UBR3: variants seen among roughly 807,000 people sequenced by gnomAD.
UBR3 encodes ubiquitin protein ligase E3 component n-recognin 3.
Under a neutral mutation model 243.2 loss-of-function variants are expected in UBR3, and 85 were observed. That is an observed-to-expected ratio of 0.35 (90% CI 0.29 to 0.42). UBR3 has a LOEUF of 0.42. Ranked by LOEUF, UBR3 falls within the 10% of genes least tolerant of loss-of-function variation. The pLI is 1.00. For missense variants in UBR3, 1,686 were observed against 2,300.8 expected (o/e 0.73, Z 5.47); for synonymous variants, 748 against 799.8 (o/e 0.94, Z 1.09).
chr2:170,022,933 C>G (rs2090431167), intron 30 of UBR3, among the ~76,000 whole-genome samples: 1 of 152,104 alleles, frequency 6.6e-6, no homozygotes, highest in South Asian at 2.1e-4. Flanking sequence ...AGCTCTTTCC[C>G]ATCTCTTCAT....
intron 10 of UBR3, among the ~76,000 whole-genome samples, chr2:169,910,000 A>G (rs1265545563): frequency 4.6e-5 from 7 of 152,136 alleles, no homozygotes; most frequent in Non-Finnish European, 5.9e-5. Flanking sequence ...TGGAAGTGCT[A>G]TTTACAAAGC....
intron 1 of UBR3, among the ~76,000 whole-genome samples, chr2:169,835,941 T>C (rs1056805246): frequency 6.7e-6 from 1 of 148,610 alleles, no homozygotes; most frequent in Non-Finnish European, 1.5e-5. Flanking sequence ...CCTTTCCCTT[T>C]CTCTTTTCCT....
chr2:169,828,384 T>C (rs2081815641), intron 1 of UBR3, among the ~76,000 whole-genome samples: 1 of 152,116 alleles, frequency 6.6e-6, no homozygotes, highest in Non-Finnish European at 1.5e-5. Context: ...CGTGTCGAGC[T>C]GTCAAGTGTG....
chr2:169,850,760 C>T (rs919198445), intron 1 of UBR3, among the ~76,000 whole-genome samples: 13 of 151,778 alleles, frequency 8.6e-5, no homozygotes, highest in African/African-American at 3.1e-4. Context: ...AGGAGAATGG[C>T]ATGAACCCGG....
intron 8 of UBR3, among the ~76,000 whole-genome samples, chr2:169,897,455 A>G (rs1320769771): frequency 6.6e-6 from 1 of 151,736 alleles, no homozygotes; most frequent in Non-Finnish European, 1.5e-5. Flanking sequence ...ATGTGTGTAT[A>G]TATGTATATA....
intron 11 of UBR3, among the ~76,000 whole-genome samples, chr2:169,921,516 C>G (rs1373288229): frequency 6.6e-6 from 1 of 152,122 alleles, no homozygotes; most frequent in African/African-American, 2.4e-5. Flanking sequence ...TGCTAAAGCC[C>G]TGAAAGATAA....
intron 1 of UBR3, among the ~76,000 whole-genome samples, chr2:169,856,295 C>T (rs1036348062): frequency 4.0e-5 from 6 of 151,790 alleles, no homozygotes; most frequent in Non-Finnish European, 7.4e-5. Context: ...CAGAGACGCT[C>T]CTCACTTCCT....
chr2:170,060,931 C>T lies in UBR3; in HGVS notation c.4786-148C>T, dbSNP rs898557769. On this transcript the variant is annotated intron_variant, in intron 33 of 38. Transcript: ENST00000272793. ...GTTTCATTGTGAATCCAGAGGTGTA[C>T]AGTTTTACCCAAATTTTGAAGAATT... is the stretch of plus-strand genomic sequence containing the variant. The T allele has an allele frequency of 7.8e-6, 4 of 510,726 alleles. No individual in the cohort carries two copies. The African/African-American group carries it at 8.0e-5, about 10-fold the overall frequency. The allele number at this position is 510,726 out of a possible 1,614,324, so 31.6% of individuals were successfully genotyped here.
chr2:169,857,208 G>A (rs1272279861), intron 1 of UBR3, among the ~76,000 whole-genome samples: 1 of 150,548 alleles, frequency 6.6e-6, no homozygotes, highest in Non-Finnish European at 1.5e-5. Flanking sequence ...CGAGTAGCTG[G>A]GACTTACAGG....
At chr2:169,869,295 C>T (rs1466777484) in intron 1 of UBR3, among the ~76,000 whole-genome samples, 1 of 139,070 alleles carries the variant, frequency 7.2e-6, no homozygotes, top group Non-Finnish European at 1.5e-5. Context: ...GATCTCGGCT[C>T]ACTGCAACCT....
At chr2:169,925,032 CA>C (rs530062231) in intron 13 of UBR3, among the ~76,000 whole-genome samples, 1 of 150,474 alleles carries the variant, frequency 6.6e-6, no homozygotes, top group Non-Finnish European at 1.5e-5. Context: ...GATTCTGTTT[CA>C]AAAAAAACAA....
Position 169,949,814 on chromosome 2 carries a change from C to T in UBR3, c.3294C>T (p.His1098=). 6.4e-7 allele frequency: 1 copy of T among 1,555,232 alleles called. No individual in the cohort carries two copies. The highest frequency in any genetic ancestry group is 1.2e-5 in the South Asian group (1 of 84,792). Residue 1098 remains histidine, a synonymous_variant, in exon 23 of 39, where the codon CAC becomes CAT. Transcript: ENST00000272793. Reference sequence around the variant, plus strand: ...TGTCTTTGCTAATTAAACTTCACCACAAACTCTCAGGAAAACAAAACTCCT... The same window carrying T: ...TGTCTTTGCTAATTAAACTTCACCATAAACTCTCAGGAAAACAAAACTCCT... The part of the protein sequence containing the change: ...SILSLLIKLH[H]KLSGKQNSYY...
chr2:169,941,206 G>A (rs2086571558), intron 19 of UBR3, among the ~76,000 whole-genome samples: 1 of 152,092 alleles, frequency 6.6e-6, no homozygotes, highest in African/African-American at 2.4e-5. Flanking sequence ...AAGAATAACA[G>A]GAGTGAGTAT....
chr2:170,031,999 C>CTT (rs1404432126), intron 31 of UBR3, among the ~76,000 whole-genome samples: 1 of 152,042 alleles, frequency 6.6e-6, no homozygotes, highest in East Asian at 1.9e-4. Context: ...GTACATGTGT[C>CTT]TTTTTGGTAG....
chr2:169,830,851 C>T (rs2081908763), intron 1 of UBR3, among the ~76,000 whole-genome samples: 1 of 151,778 alleles, frequency 6.6e-6, no homozygotes, highest in Non-Finnish European at 1.5e-5. Context: ...TAGGAAATAA[C>T]ACTGATTCTT....
At chr2:169,926,561 G>T in intron 14 of UBR3, 131 bp from the exon 15 acceptor site, 1 of 929,756 alleles carries the variant, frequency 1.1e-6, no homozygotes, top group Non-Finnish European at 1.6e-6. Context: ...CACCAGCTTG[G>T]GTGAGAGTGA....
chr2:169,912,031 A>T (rs1472385244), intron 10 of UBR3, among the ~76,000 whole-genome samples: 1 of 152,158 alleles, frequency 6.6e-6, no homozygotes, highest in African/African-American at 2.4e-5. Context: ...ATCAAGCAAG[A>T]ATTGACAGGA....
chr2:169,909,423 T>G (rs891279183), intron 10 of UBR3, among the ~76,000 whole-genome samples: 10 of 152,102 alleles, frequency 6.6e-5, no homozygotes, highest in African/African-American at 2.2e-4. Flanking sequence ...TAAATTGATC[T>G]CACTTATATG....
At chr2:169,901,434 A>G (rs2084818880) in intron 8 of UBR3, among the ~76,000 whole-genome samples, 1 of 152,160 alleles carries the variant, frequency 6.6e-6, no homozygotes. Flanking sequence ...ATCATGATAT[A>G]TATTTACTGC....
Sources: gnomAD v4.1 joint callset for allele counts (sites outside exome capture counted in the v4.1 genomes callset) on GRCh38, gnomAD v4.1.1 for gene constraint, MANE v1.5 for transcripts, NCBI Gene and HGNC (gene_info 2026-07-23, HGNC 2026-07-21) for gene names.